Variants in EDN3 observed in about 807,000 individuals in gnomAD.
The protein encoded by EDN3 is endothelin 3.
A neutral mutation model predicts 21.4 loss-of-function variants in EDN3; 9 were observed. The ratio of observed to expected loss-of-function variants is 0.42; its 90% CI spans 0.25 to 0.73. EDN3 has a LOEUF of 0.73. Among genes scored for constraint, EDN3 ranks in the 30% least tolerant of loss-of-function variants. The probability of loss-of-function intolerance (pLI) is 0.26; values close to 1 mark genes in which losing one functional copy is unlikely to be tolerated. For missense variants in EDN3, 327 were observed against 309.4 expected (o/e 1.06, Z -0.43); for synonymous variants, 133 against 126.2 (o/e 1.05, Z -0.36).
At chr20:59,323,638 G>C (rs112594625) in intron 4 of EDN3, 2 of 399,836 alleles carry the variant, frequency 5.0e-6, no homozygotes, top group Middle Eastern at 6.2e-4. Context: ...TTGAGATGGG[G>C]TTGACGTGGC....
At chr20:59,319,975 G>C (rs11570333) in intron 2 of EDN3, among the ~76,000 whole-genome samples, 28 of 152,332 alleles carry the variant, frequency 1.8e-4, no homozygotes, top group Non-Finnish European at 3.7e-4. Flanking sequence ...TTAAGGATCT[G>C]CTTTCAACTT....
rs1990531669 is a variant in EDN3 at position 59,321,320 on chromosome 20, G to A, written c.542+127G>A. On this transcript the variant is annotated intron_variant, in intron 3 of 4. Transcript: ENST00000337938. Reference sequence around the variant, plus strand: ...ACATCCTGACCTACTGTCGTCCTGTGGGCCAGAGAAAGGAGGTGCTGAGCC... The same window carrying A: ...ACATCCTGACCTACTGTCGTCCTGTAGGCCAGAGAAAGGAGGTGCTGAGCC... 3 of 1,162,890 alleles carry A rather than the reference G, an allele frequency of 2.6e-6. No individual in the cohort carries two copies. In the East Asian group the frequency reaches 7.1e-5, roughly 28 times the overall value. The allele number at this position is 1,162,890 out of a possible 1,614,324, so 72.0% of individuals were successfully genotyped here.
intron 2 of EDN3, among the ~76,000 whole-genome samples, chr20:59,308,895 A>G (rs1337156242): frequency 1.3e-5 from 2 of 152,158 alleles, no homozygotes; most frequent in Non-Finnish European, 2.9e-5. Flanking sequence ...TAGCTCCTGG[A>G]GTGCCCCGGA....
chr20:59,304,516 G>C (rs573232613), intron 2 of EDN3, among the ~76,000 whole-genome samples: 1 of 152,330 alleles, frequency 6.6e-6, no homozygotes, highest in African/African-American at 2.4e-5. Context: ...CTTGAACTTT[G>C]GGTGCTTTTC....
At chr20:59,318,303 G>A (rs924065057) in intron 2 of EDN3, among the ~76,000 whole-genome samples, 2 of 152,188 alleles carry the variant, frequency 1.3e-5, no homozygotes, top group African/African-American at 4.8e-5. Flanking sequence ...AAGGTACTGG[G>A]CCTCCACCAC....
intron 2 of EDN3, among the ~76,000 whole-genome samples, chr20:59,317,405 A>G (rs1990250353): frequency 6.6e-6 from 1 of 152,220 alleles, no homozygotes; most frequent in Non-Finnish European, 1.5e-5. Context: ...GATAAATAAC[A>G]ATAGTAGCTA....
chr20:59,300,787 G>C lies in EDN3; in HGVS notation c.-26G>C. The C allele has an allele frequency of 6.2e-7, 1 of 1,604,558 alleles. No homozygotes were observed. Among genetic ancestry groups the C allele is most frequent in the Non-Finnish European group, 8.5e-7 (1 of 1,176,924 alleles). On this transcript the variant is annotated 5_prime_UTR_variant, in exon 1 of 5. Transcript: ENST00000337938. ...CCACAAGCGGCCGTCCTCCTGGTCC[G>C]GTGCTCCGGCGCCTGATCTAGGTTC... is the stretch of plus-strand genomic sequence containing the variant.
chr20:59,309,664 T>C (rs1349661405), intron 2 of EDN3, among the ~76,000 whole-genome samples: 1 of 152,158 alleles, frequency 6.6e-6, no homozygotes, highest in South Asian at 2.1e-4. Context: ...CACTTTTGGG[T>C]ACCAGTTTTG....
intron 2 of EDN3, among the ~76,000 whole-genome samples, chr20:59,307,258 G>T (rs1989495249): frequency 6.6e-6 from 1 of 150,404 alleles, no homozygotes; most frequent in Non-Finnish European, 1.5e-5. Flanking sequence ...TTGGAAAGGG[G>T]TCATGAATAG....
At chr20:59,302,833 C>T (rs1463978575) in intron 2 of EDN3, among the ~76,000 whole-genome samples, 1 of 152,150 alleles carries the variant, frequency 6.6e-6, no homozygotes, top group African/African-American at 2.4e-5. Flanking sequence ...CACCTTTATC[C>T]CCAAGCCCCA....
chr20:59,303,314 A>C (rs918279295), intron 2 of EDN3, among the ~76,000 whole-genome samples: 3 of 152,132 alleles, frequency 2.0e-5, no homozygotes, highest in African/African-American at 7.2e-5. Context: ...TTGGGCCATC[A>C]TCAATTGCCT....
chr20:59,313,991 G>A (rs1175465838), intron 2 of EDN3, among the ~76,000 whole-genome samples: 2 of 152,198 alleles, frequency 1.3e-5, no homozygotes, highest in Admixed American at 6.5e-5. Context: ...AGTAGAGGAC[G>A]AAACTTCTGA....
At chr20:59,304,478 C>G (rs1347196050) in intron 2 of EDN3, among the ~76,000 whole-genome samples, 1 of 152,242 alleles carries the variant, frequency 6.6e-6, no homozygotes, top group African/African-American at 2.4e-5. Context: ...CGAGAAGGAG[C>G]CTTGATTCTT....
chr20:59,324,312 C>G lies in EDN3; in HGVS notation c.589-19C>G, dbSNP rs561456608. 1 of 1,613,180 alleles carries G rather than the reference C, an allele frequency of 6.2e-7. No homozygotes were observed. Among genetic ancestry groups the G allele is most frequent in the Non-Finnish European group, 8.5e-7 (1 of 1,179,740 alleles). Reference sequence around the variant, plus strand: ...CATACCTTTCTTTTTTTTTCTTTTGCCCCCTTTCCCCAAGACAGGTTGAAG... The same window carrying G: ...CATACCTTTCTTTTTTTTTCTTTTGGCCCCTTTCCCCAAGACAGGTTGAAG... On this transcript the variant is annotated intron_variant, in intron 4 of 4. Coordinates refer to ENST00000337938, the MANE Select transcript of EDN3 (RefSeq NM_207034.3).
chr20:59,308,394 C>T (rs1282971831), intron 2 of EDN3, among the ~76,000 whole-genome samples: 2 of 152,222 alleles, frequency 1.3e-5, no homozygotes, highest in African/African-American at 4.8e-5. Flanking sequence ...GATCCAGCTT[C>T]ACACTTTGGT....
At chr20:59,320,271 C>T (rs1374815418) in intron 2 of EDN3, among the ~76,000 whole-genome samples, 1 of 152,254 alleles carries the variant, frequency 6.6e-6, no homozygotes, top group Admixed American at 6.5e-5. Context: ...GAGGAAGCAA[C>T]TTTCAAAGGC....
intron 2 of EDN3, among the ~76,000 whole-genome samples, chr20:59,308,937 G>T (rs993578099): frequency 4.6e-5 from 7 of 152,182 alleles, no homozygotes; most frequent in African/African-American, 1.7e-4. Context: ...CCTGCAGGAC[G>T]GTCTGTTAGC....
chr20:59,310,644 T>A (rs768747290), intron 2 of EDN3, among the ~76,000 whole-genome samples: 14 of 152,114 alleles, frequency 9.2e-5, no homozygotes, highest in Non-Finnish European at 1.0e-4. Context: ...GCAGACTTGG[T>A]GGGAGCTCTT....
chr20:59,324,136 A>G (rs909117397), intron 4 of EDN3, among the ~76,000 whole-genome samples, 195 bp from the exon 5 acceptor site: 2 of 152,026 alleles, frequency 1.3e-5, no homozygotes, highest in Non-Finnish European at 2.9e-5. Flanking sequence ...TATTCTTTTC[A>G]CACTTTTCCA....
Sources: gnomAD v4.1 joint callset for allele counts (sites outside exome capture counted in the v4.1 genomes callset) on GRCh38, gnomAD v4.1.1 for gene constraint, MANE v1.5 for transcripts, NCBI Gene and HGNC (gene_info 2026-07-23, HGNC 2026-07-21) for gene names.